The following TRIM27 variants were observed in gnomAD, a reference collection of about 807,000 sequenced individuals.
TRIM27 encodes the protein zinc finger protein RFP.
A neutral mutation model predicts 57.6 loss-of-function variants in TRIM27; 12 were observed. The ratio of observed to expected loss-of-function variants is 0.21; its 90% CI spans 0.13 to 0.34. The LOEUF (loss-of-function observed/expected upper bound fraction) is 0.34. Ranked by LOEUF, TRIM27 falls within the 10% of genes least tolerant of loss-of-function variation. The pLI, the probability that TRIM27 is intolerant of heterozygous loss-of-function variation, is 1.00. For synonymous variants in TRIM27, 266 were observed against 259.0 expected, an observed-to-expected ratio of 1.03 and a Z score of -0.26; for missense variants, 403 against 656.8, an observed-to-expected ratio of 0.61 and a Z score of 4.22.
At chr6:28,921,070 T>G (rs1399796472) in intron 2 of TRIM27, among the ~76,000 whole-genome samples, 1 of 152,082 alleles carries the variant, frequency 6.6e-6, no homozygotes, top group Non-Finnish European at 1.5e-5. Flanking sequence ...AGGACTCTAT[T>G]ATAAACTTTT....
At chr6:28,917,704 A>G (rs1363138716) in intron 3 of TRIM27, among the ~76,000 whole-genome samples, 1 of 151,950 alleles carries the variant, frequency 6.6e-6, no homozygotes, top group East Asian at 1.9e-4. Flanking sequence ...TGAAACAATC[A>G]TTTCTTCCCA....
At chr6:28,913,507 T>C (rs1239143516) in intron 3 of TRIM27, among the ~76,000 whole-genome samples, 1 of 151,930 alleles carries the variant, frequency 6.6e-6, no homozygotes, top group African/African-American at 2.4e-5. Flanking sequence ...ACATACAGTT[T>C]TGTTAAATAT....
At chr6:28,919,951 C>A in intron 3 of TRIM27, 61 bp downstream of exon 3, 1 of 1,510,734 alleles carries the variant, frequency 6.6e-7, no homozygotes, top group Non-Finnish European at 9.0e-7. Flanking sequence ...TACTACTTGG[C>A]AAAGGAGAAG....
chr6:28,913,771 T>C (rs957528298), intron 3 of TRIM27, among the ~76,000 whole-genome samples: 1 of 152,104 alleles, frequency 6.6e-6, no homozygotes, highest in Non-Finnish European at 1.5e-5. Flanking sequence ...CAACCCATTT[T>C]TCTCTAGAAT....
At chr6:28,915,356 A>G (rs1773527598) in intron 3 of TRIM27, 1 of 151,484 alleles carries the variant, frequency 6.6e-6, no homozygotes, top group East Asian at 1.9e-4. Flanking sequence ...CGTCTATTAT[A>G]CCAGCACTTT....
intron 4 of TRIM27, among the ~76,000 whole-genome samples, chr6:28,910,509 T>C (rs1309711566): frequency 6.6e-6 from 1 of 152,106 alleles, no homozygotes; most frequent in Non-Finnish European, 1.5e-5. Context: ...TTTGTATTTT[T>C]AGTAGAAATG....
At chr6:28,917,590 AAAAG>A (rs926477125) in intron 3 of TRIM27, among the ~76,000 whole-genome samples, 3 of 151,916 alleles carry the variant, frequency 2.0e-5, no homozygotes, top group African/African-American at 4.8e-5. Flanking sequence ...AAAAAAAAAA[AAAAG>A]AAAGTTACAC....
At chr6:28,923,077 C>T in intron 1 of TRIM27, 136 bp downstream of exon 1, 1 of 1,051,256 alleles carries the variant, frequency 9.5e-7, no homozygotes, top group Admixed American at 2.9e-5. Flanking sequence ...GGCTCTGGAG[C>T]GGACAGAGAG....
At position 28,923,471 on chromosome 6, in the gene TRIM27, C is replaced by T; in HGVS notation, c.162G>A (p.Pro54=). The T allele has an allele frequency of 4.3e-6, 7 of 1,612,090 alleles. No homozygotes were observed. Among genetic ancestry groups the T allele is most frequent in the Admixed American group, 1.7e-5 (1 of 59,922 alleles). ...TCTGCGGGAAGGTCTCCCGGCACTG[C>T]GGGCACGACACGTTAGTCTCTGCCG... ...WGTAETNVSC[P]QCRETFPQRH... Residue 54 remains proline (P), a synonymous_variant, in exon 1 of 8, where the codon CCG becomes CCA. Coordinates refer to ENST00000377199, the MANE Select transcript of TRIM27 (RefSeq NM_006510.5).
intron 1 of TRIM27, among the ~76,000 whole-genome samples, chr6:28,922,720 T>A (rs1774142628): frequency 6.6e-6 from 1 of 152,200 alleles, no homozygotes; most frequent in South Asian, 2.1e-4. Context: ...CTCAGAGTGG[T>A]TAAGTGACTT....
At chr6:28,914,162 G>T in intron 3 of TRIM27, among the ~76,000 whole-genome samples, 1 of 143,676 alleles carries the variant, frequency 7.0e-6, no homozygotes, top group African/African-American at 2.6e-5. Context: ...TTGAGACAGA[G>T]TCTTGATCTG....
chr6:28,910,123 G>GA (rs9278120), intron 4 of TRIM27, among the ~76,000 whole-genome samples: 9,580 of 97,098 alleles, frequency 0.099, 600 homozygotes, highest in Non-Finnish European at 0.13. Flanking sequence ...AAAGAAAAAT[G>GA]AAAAAAAAAA....
In TRIM27 at chr6:28,920,014, G is replaced by A; in HGVS notation, c.745C>T (p.Gln249Ter). 1 of 1,611,514 alleles carries A rather than the reference G, an allele frequency of 6.2e-7. No individual in the cohort carries two copies. The highest frequency in any genetic ancestry group is 8.5e-7 in the Non-Finnish European group (1 of 1,179,126). ...KQQQPTRELL[Q>*]DIGDTLSRAE... ...TAGCAGGGCTCTGCAAGCCTTACCT[G>A]CAGGAGCTCCCTGGTGGGCTGCTGC... The change falls in exon 3 of 8, where the codon CAG becomes TAG. Residue 249 changes from glutamine to a stop codon, truncating the protein, a stop_gained and splice_region_variant. Transcript: ENST00000377199. LOFTEE classifies it high-confidence loss of function.
At chr6:28,918,180 A>T (rs12212813) in intron 3 of TRIM27, among the ~76,000 whole-genome samples, 1 of 152,214 alleles carries the variant, frequency 6.6e-6, no homozygotes, top group Admixed American at 6.5e-5. Flanking sequence ...ACCTTACAAC[A>T]TATACTCCTT....
chr6:28,907,465 A>G (rs1322109185), intron 6 of TRIM27: 2 of 712,580 alleles, frequency 2.8e-6, no homozygotes, highest in Non-Finnish European at 5.2e-6. Context: ...GGGATTGGGA[A>G]TCTTAAGTAC....
Position 28,903,672 on chromosome 6 carries a change from C to T in TRIM27, c.*398G>A, listed in dbSNP as rs751690165. On this transcript the variant is annotated 3_prime_UTR_variant, in exon 8 of 8. Transcript: ENST00000377199. Reference sequence around the variant, plus strand: ...CTAGGTTGTTAGAAAGGAGCCCTAGCCCAGAAATGACAGCAAATAGCCATA... The same window carrying T: ...CTAGGTTGTTAGAAAGGAGCCCTAGTCCAGAAATGACAGCAAATAGCCATA... The T allele has an allele frequency of 1.9e-5, 5 of 264,986 alleles. No individual in the cohort carries two copies. The highest frequency in any genetic ancestry group is 4.3e-5 in the African/African-American group (2 of 46,296). The allele number at this position is 264,986 out of a possible 1,614,324, so 16.4% of individuals were successfully genotyped here.
At chr6:28,908,653 T>C in intron 6 of TRIM27, 155 bp downstream of exon 6, 3 of 635,688 alleles carry the variant, frequency 4.7e-6, no homozygotes, top group Admixed American at 3.2e-5. Context: ...AAGCTGTTAA[T>C]TGAGAAAATT....
intron 3 of TRIM27, among the ~76,000 whole-genome samples, chr6:28,919,810 G>A (rs1288116302): frequency 1.3e-5 from 2 of 152,178 alleles, no homozygotes. Flanking sequence ...ATGAGACAAC[G>A]CAATTGACTA....
intron 7 of TRIM27, chr6:28,905,614 T>C (rs749114694): frequency 6.6e-6 from 1 of 152,656 alleles, no homozygotes; most frequent in Non-Finnish European, 1.5e-5. Context: ...TGTAGTACAG[T>C]GGCATAATCA....
Sources: allele counts gnomAD v4.1 joint callset (sites outside exome capture counted in the v4.1 genomes callset), GRCh38; gene constraint gnomAD v4.1.1; transcripts MANE v1.5; gene names NCBI Gene and HGNC (gene_info 2026-07-23, HGNC 2026-07-21).